TMEM108: variants seen among roughly 807,000 people sequenced by gnomAD.
TMEM108 encodes the protein transmembrane protein 108.
A neutral mutation model predicts 35.1 loss-of-function variants in TMEM108; 12 were observed. The observed-to-expected ratio is 0.34, with a 90% CI of 0.22 to 0.55. The LOEUF (loss-of-function observed/expected upper bound fraction) is 0.55, where lower values mean the gene tolerates loss of function less well. TMEM108 is among the 20% of genes least tolerant of loss of function. TMEM108 has a pLI of 0.89. For synonymous variants in TMEM108, 287 were observed against 308.6 expected (o/e 0.93, Z 0.73); for missense variants, 680 against 753.3 (o/e 0.90, Z 1.14).
intron 2 of TMEM108, among the ~76,000 whole-genome samples, chr3:133,137,569 A>G (rs896391817): frequency 6.6e-6 from 1 of 152,154 alleles, no homozygotes; most frequent in Non-Finnish European, 1.5e-5. Context: ...TTTGCTTTGA[A>G]CTGTTTCTTG....
In TMEM108 at chr3:133,366,235, T is replaced by A. The variant is rs189703078; in HGVS notation, c.41-13517T>A. ...AGTGTTTATGCCTATGGATAAACTT[T>A]ACAAAATTTGCCAGAATTTTCCCTA... is the stretch of plus-strand genomic sequence containing the variant. On this transcript the variant is annotated intron_variant, in intron 3 of 5. Coordinates refer to ENST00000321871, the MANE Select transcript of TMEM108 (RefSeq NM_023943.4). Among the ~76,000 whole-genome samples, 788 of 152,330 alleles carry A rather than the reference T, an allele frequency of 5.2e-3. 5 individuals carry two copies. Among genetic ancestry groups the A allele is most frequent in the Non-Finnish European group, 8.4e-3 (572 of 68,030 alleles).
chr3:133,131,727 A>G (rs1944493393), intron 2 of TMEM108, among the ~76,000 whole-genome samples: 1 of 152,018 alleles, frequency 6.6e-6, no homozygotes. Flanking sequence ...CCTAAAGGCC[A>G]AAACAAAAGC....
intron 4 of TMEM108, among the ~76,000 whole-genome samples, chr3:133,382,363 G>A (rs1197308): frequency 0.1 from 15,477 of 152,250 alleles, 1,142 homozygotes; most frequent in East Asian, 0.36. Context: ...GTCTAGCAAC[G>A]TCTGAAACAT....
At chr3:133,049,526 C>T (rs944164692) in intron 2 of TMEM108, among the ~76,000 whole-genome samples, 1 of 152,134 alleles carries the variant, frequency 6.6e-6, no homozygotes, top group African/African-American at 2.4e-5. Flanking sequence ...TCATTTAAAA[C>T]AGAATTGAGT....
chr3:133,078,933 G>T (rs1943777425), intron 2 of TMEM108, among the ~76,000 whole-genome samples: 3 of 152,100 alleles, frequency 2.0e-5, no homozygotes, highest in South Asian at 2.1e-4. Flanking sequence ...AAACTGTAAG[G>T]GTGTTAAGAT....
intron 3 of TMEM108, among the ~76,000 whole-genome samples, chr3:133,236,432 G>T (rs571119124): frequency 6.6e-6 from 1 of 152,178 alleles, no homozygotes; most frequent in East Asian, 1.9e-4. Context: ...CCTGGGGCAT[G>T]GAGATCATGT....
intron 5 of TMEM108, among the ~76,000 whole-genome samples, chr3:133,394,272 G>A (rs143861597): frequency 6.6e-6 from 1 of 152,332 alleles, no homozygotes; most frequent in African/African-American, 2.4e-5. Context: ...CTGCCAAATG[G>A]TTTGCCTAAG....
Position 133,305,531 on chromosome 3 carries a change from T to C in TMEM108, c.41-74221T>C. On this transcript the variant is annotated intron_variant, in intron 3 of 5. Transcript: ENST00000321871. ...AAGTATAATAAAATAAATAAATAAATAAATAAAAGAAAGATGCCTATGAAT... is the reference window on the plus strand; with the variant it reads ...AAGTATAATAAAATAAATAAATAAACAAATAAAAGAAAGATGCCTATGAAT... Among the ~76,000 whole-genome samples, 4 of 151,524 alleles carry C rather than the reference T, an allele frequency of 2.6e-5. 1 individual carries two copies. In the South Asian group the frequency reaches 8.4e-4, roughly 32 times the overall value.
rs140366828 is a variant in TMEM108 at position 133,175,102 on chromosome 3, G to C, written c.-46-54164G>C. Among the ~76,000 whole-genome samples, 28 of 152,284 alleles carry C rather than the reference G, an allele frequency of 1.8e-4. No homozygotes were observed. The East Asian group carries it at 3.7e-3, about 20-fold the overall frequency. ...TGATTGAAGATCAAATGAATGAAAT[G>C]AAGTGAGAAGGGAAGTTTAGAGAAA... On this transcript the variant is annotated intron_variant, in intron 2 of 5. Coordinates refer to ENST00000321871, the MANE Select transcript of TMEM108 (RefSeq NM_023943.4).
intron 2 of TMEM108, among the ~76,000 whole-genome samples, chr3:133,122,383 T>C (rs1169581626): frequency 1.3e-5 from 2 of 152,228 alleles, no homozygotes; most frequent in East Asian, 1.9e-4. Flanking sequence ...TTTTCATTTC[T>C]GTAGTTTCTT....
chr3:133,123,764 G>A (rs1328831194), intron 2 of TMEM108, among the ~76,000 whole-genome samples: 1 of 152,238 alleles, frequency 6.6e-6, no homozygotes, highest in Non-Finnish European at 1.5e-5. Context: ...AGCAGGAAAT[G>A]TTGTCTATAA....
intron 2 of TMEM108, among the ~76,000 whole-genome samples, chr3:133,214,906 G>A (rs149922398): frequency 4.6e-5 from 7 of 152,232 alleles, no homozygotes; most frequent in African/African-American, 1.7e-4. Flanking sequence ...ATGATCTGAG[G>A]TGGGACAGTT....
At chr3:133,253,362 C>G (rs2107669968) in intron 3 of TMEM108, 1 of 152,252 alleles carries the variant, frequency 6.6e-6, no homozygotes, top group Non-Finnish European at 1.5e-5. Flanking sequence ...GTTTACTCAC[C>G]TATATAAAGT....
In TMEM108 at chr3:133,253,038, A is replaced by G. The variant is rs554757957; in HGVS notation, c.40+23687A>G. Among the ~76,000 whole-genome samples the G allele has an allele frequency of 2.0e-5, 3 of 152,350 alleles. No individual in the cohort carries two copies. In the South Asian group the frequency reaches 6.2e-4, roughly 32 times the overall value. On this transcript the variant is annotated intron_variant, in intron 3 of 5. Transcript: ENST00000321871. Reference sequence around the variant, plus strand: ...GTAATCAAGAAACTATTTGAAGTATACAAGAGGATGTGTGTAGGTTACATG... The same window carrying G: ...GTAATCAAGAAACTATTTGAAGTATGCAAGAGGATGTGTGTAGGTTACATG...
In TMEM108 at chr3:133,358,601, C is replaced by G. The variant is rs554347891; in HGVS notation, c.41-21151C>G. Among the ~76,000 whole-genome samples the G allele has an allele frequency of 3.7e-4, 56 of 152,150 alleles. 1 individual carries two copies. The South Asian group carries it at 0.011, about 29-fold the overall frequency. On this transcript the variant is annotated intron_variant, in intron 3 of 5. Coordinates refer to ENST00000321871, the MANE Select transcript of TMEM108 (RefSeq NM_023943.4). ...CAGTGCTCCAGGTGGACTCTCTGGG[C>G]ATAAAGGGGAATAGAGGGGAAGGAG... is the stretch of plus-strand genomic sequence containing the variant.
At chr3:133,192,011 G>A (rs1472051229) in intron 2 of TMEM108, among the ~76,000 whole-genome samples, 2 of 151,684 alleles carry the variant, frequency 1.3e-5, no homozygotes, top group Admixed American at 6.6e-5. Flanking sequence ...TAGTTTCCCA[G>A]CTCTGCCCCT....
intron 4 of TMEM108, chr3:133,388,103 T>A: frequency 2.0e-6 from 2 of 985,456 alleles, no homozygotes; most frequent in Non-Finnish European, 2.4e-6. Flanking sequence ...CTCCCCTCCC[T>A]CTAGCTCTAA....
At chr3:133,073,634 A>G (rs536616061) in intron 2 of TMEM108, among the ~76,000 whole-genome samples, 1 of 150,938 alleles carries the variant, frequency 6.6e-6, no homozygotes, top group South Asian at 2.1e-4. Flanking sequence ...GAGTGCAGAT[A>G]TCTCTTCTAC....
chr3:133,376,470 A>G (rs1292388052), intron 3 of TMEM108, among the ~76,000 whole-genome samples: 3 of 152,162 alleles, frequency 2.0e-5, no homozygotes, highest in East Asian at 1.9e-4. Context: ...CTGTTGCAGC[A>G]AACACCAGCT....
Sources: allele counts gnomAD v4.1 joint callset (sites outside exome capture counted in the v4.1 genomes callset), GRCh38; gene constraint gnomAD v4.1.1; transcripts MANE v1.5; gene names NCBI Gene and HGNC (gene_info 2026-07-23, HGNC 2026-07-21).